ELAC1: variants seen among roughly 807,000 people sequenced by gnomAD.
ELAC1 encodes the protein zinc phosphodiesterase ELAC protein 1.
Under a neutral mutation model 25.8 loss-of-function variants are expected in ELAC1, and 19 were observed. The ratio of observed to expected loss-of-function variants is 0.74; its 90% CI spans 0.51 to 1.08. The LOEUF (loss-of-function observed/expected upper bound fraction) is 1.08. Ranked by LOEUF, ELAC1 falls within the 50% of genes least tolerant of loss-of-function variation. The probability of loss-of-function intolerance (pLI) is 0.00; values close to 1 mark genes in which losing one functional copy is unlikely to be tolerated. For missense variants in ELAC1, 403 were observed against 434.6 expected (o/e 0.93, Z 0.65); for synonymous variants, 148 against 160.9 (o/e 0.92, Z 0.61).
rs117514485 is a variant in ELAC1 at position 50,981,345 on chromosome 18, A to G, written c.158-2751A>G. ...ATAGTATGGGAGTGTGTGTGTGTGT[A>G]TAGTTCTGCATACATAGAATTATAC... is the stretch of plus-strand genomic sequence containing the variant. On this transcript the variant is annotated intron_variant, in intron 2 of 3. Transcript: ENST00000269466. 3.0e-3 allele frequency among the ~76,000 whole-genome samples: 463 copies of G among 152,144 alleles called. 4 individuals carry two copies. In the East Asian group the frequency reaches 0.044, roughly 14 times the overall value.
chr18:50,972,789 G>A (rs977403825), intron 1 of ELAC1, among the ~76,000 whole-genome samples: 12 of 152,084 alleles, frequency 7.9e-5, no homozygotes, highest in African/African-American at 2.7e-4. Context: ...GGCCTATTCT[G>A]TTTTAATTAT....
intron 2 of ELAC1, among the ~76,000 whole-genome samples, chr18:50,980,186 C>T (rs1030810919): frequency 2.6e-5 from 4 of 151,862 alleles, no homozygotes; most frequent in Admixed American, 6.6e-5. Flanking sequence ...AGAAATAAAG[C>T]CAGATGTGGT....
In ELAC1 at chr18:50,984,367, A is replaced by G; in HGVS notation, c.429A>G (p.Arg143=). ...TAAAAGAATTTGCGCATGTGAATAG[A>G]GCAGACAGTCCTCCCAAAGAGGAAC... is the stretch of plus-strand genomic sequence containing the variant. ...EELKEFAHVN[R]ADSPPKEEQG... Residue 143 remains arginine, a synonymous_variant, in exon 3 of 4, where the codon AGA becomes AGG. Coordinates refer to ENST00000269466, the MANE Select transcript of ELAC1 (RefSeq NM_018696.3). 2.5e-6 allele frequency: 4 copies of G among 1,614,232 alleles called. No homozygotes were observed. The highest frequency in any genetic ancestry group is 3.4e-6 in the Non-Finnish European group (4 of 1,180,034).
chr18:50,971,496 T>G (rs932401342), intron 1 of ELAC1, among the ~76,000 whole-genome samples: 5 of 152,274 alleles, frequency 3.3e-5, no homozygotes, highest in African/African-American at 1.2e-4. Context: ...CCAATGATCC[T>G]CCTGCCTTGG....
In ELAC1 at chr18:50,968,090, T is replaced by C. The variant is rs1412477794; in HGVS notation, c.-33T>C. On this transcript the variant is annotated 5_prime_UTR_variant, in exon 1 of 4. Coordinates refer to ENST00000269466, the MANE Select transcript of ELAC1 (RefSeq NM_018696.3). Reference sequence around the variant, plus strand: ...GGTGCGGGCCTGCGCCTCCCTCGGCTCCTGGCGCGGGCCTCGGGGAGAGGG... The same window carrying C: ...GGTGCGGGCCTGCGCCTCCCTCGGCCCCTGGCGCGGGCCTCGGGGAGAGGG... 2 of 151,964 alleles carry C rather than the reference T, an allele frequency of 1.3e-5. No individual in the cohort carries two copies. The highest frequency in any genetic ancestry group is 2.9e-5 in the Non-Finnish European group (2 of 68,006). The allele number at this position is 151,964 out of a possible 1,614,324, so 9.4% of individuals were successfully genotyped here.
chr18:50,970,318 T>G (rs1273685908), intron 1 of ELAC1, among the ~76,000 whole-genome samples: 2 of 152,242 alleles, frequency 1.3e-5, no homozygotes, highest in Non-Finnish European at 2.9e-5. Flanking sequence ...TATGTACTAC[T>G]GATCTAAATC....
chr18:50,979,524 T>C (rs1034275691), intron 2 of ELAC1, among the ~76,000 whole-genome samples: 1 of 152,176 alleles, frequency 6.6e-6, no homozygotes, highest in Non-Finnish European at 1.5e-5. Context: ...GTAAGTCTGC[T>C]AGCAAGATGG....
At chr18:50,975,431 A>G (rs1378337145) in intron 2 of ELAC1, among the ~76,000 whole-genome samples, 1 of 151,706 alleles carries the variant, frequency 6.6e-6, no homozygotes, top group Non-Finnish European at 1.5e-5. Flanking sequence ...TAGCATCATC[A>G]GTATCTGAAA....
At chr18:50,972,163 C>G (rs1006142349) in intron 1 of ELAC1, among the ~76,000 whole-genome samples, 1 of 151,058 alleles carries the variant, frequency 6.6e-6, no homozygotes, top group African/African-American at 2.4e-5. Context: ...TTATGTCTTG[C>G]CAATAAGGGC....
chr18:50,970,322 C>A (rs1907618391), intron 1 of ELAC1, among the ~76,000 whole-genome samples: 1 of 152,216 alleles, frequency 6.6e-6, no homozygotes, highest in African/African-American at 2.4e-5. Flanking sequence ...TACTACTGAT[C>A]TAAATCCATT....
At chr18:50,969,541 A>G (rs529821838) in intron 1 of ELAC1, 1 of 152,364 alleles carries the variant, frequency 6.6e-6, no homozygotes, top group East Asian at 1.9e-4. Flanking sequence ...CAGCAAATAC[A>G]TGCAAAAGAA....
At position 50,968,073 on chromosome 18, in the gene ELAC1, C is replaced by T. The variant is rs1037268244; in HGVS notation, c.-50C>T. The T allele has an allele frequency of 2.0e-5, 3 of 152,032 alleles. No individual in the cohort carries two copies. The highest frequency in any genetic ancestry group is 4.4e-5 in the Non-Finnish European group (3 of 68,030). 9.4% of individuals were successfully genotyped at this position (152,032 alleles called of 1,614,324 possible). ...GCGGACAGCTGGGCCAGGGTGCGGG[C>T]CTGCGCCTCCCTCGGCTCCTGGCGC... On this transcript the variant is annotated 5_prime_UTR_variant, in exon 1 of 4. Coordinates refer to ENST00000269466, the MANE Select transcript of ELAC1 (RefSeq NM_018696.3).
chr18:50,987,048 A>G lies in ELAC1; in HGVS notation c.1055A>G (p.Glu352Gly), dbSNP rs776999696. Residue 352 changes from glutamate (E) to glycine (G), a missense_variant, in exon 4 of 4, where the codon GAA becomes GGA. Coordinates refer to ENST00000269466, the MANE Select transcript of ELAC1 (RefSeq NM_018696.3). ...VLDLQEVTLAEDFMVISIPIK... is the reference protein window; with the variant it reads ...VLDLQEVTLAGDFMVISIPIK... The stretch of plus-strand genomic sequence containing the variant: ...GATCTCCAAGAAGTGACTCTAGCAG[A>G]AGATTTTATGGTGATAAGCATTCCA... 24 of 1,580,772 alleles carry G rather than the reference A, an allele frequency of 1.5e-5. No homozygotes were observed. The highest frequency in any genetic ancestry group is 1.9e-5 in the Non-Finnish European group (22 of 1,164,666).
At position 50,985,622 on chromosome 18, in the gene ELAC1, T is replaced by C. The variant is rs138411760; in HGVS notation, c.626-997T>C. 7.8e-3 allele frequency among the ~76,000 whole-genome samples: 1,186 copies of C among 152,358 alleles called. 8 individuals are homozygous for C. The highest frequency in any genetic ancestry group is 0.011 in the Non-Finnish European group (772 of 68,030). The stretch of plus-strand genomic sequence containing the variant: ...CAGTGGCATTTTGTGTGTGTTTGTT[T>C]TTTTATTTATGTGATCTCTTCCTCA... On this transcript the variant is annotated intron_variant, in intron 3 of 3. Transcript: ENST00000269466.
intron 3 of ELAC1, 34 bp downstream of exon 3, chr18:50,984,597 C>G: frequency 6.7e-7 from 1 of 1,486,890 alleles, no homozygotes; most frequent in Non-Finnish European, 9.3e-7. Flanking sequence ...TTTTTCCCGC[C>G]TTCTCATCAA....
intron 2 of ELAC1, 30 bp downstream of exon 2, chr18:50,974,591 A>AT (rs762804406): frequency 7.5e-6 from 12 of 1,609,610 alleles, no homozygotes; most frequent in African/African-American, 4.0e-5. Flanking sequence ...TCTCATTAAG[A>AT]TTTTTTTGTT....
At position 50,987,139 on chromosome 18, in the gene ELAC1, A is replaced by G. The variant is rs937281752; in HGVS notation, c.*54A>G. ...TGTCTGTGAATATGTTACTGAACCT[A>G]TAGTCCAGTTTTTTTATTTCTTGTT... On this transcript the variant is annotated 3_prime_UTR_variant, in exon 4 of 4. Transcript: ENST00000269466. The G allele has an allele frequency of 5.5e-6, 7 of 1,262,504 alleles. No individual in the cohort carries two copies. In the African/African-American group the frequency reaches 7.4e-5, roughly 13 times the overall value. 78.2% of individuals were successfully genotyped at this position (1,262,504 alleles called of 1,614,324 possible). A position where few individuals can be genotyped will look rare whatever the true frequency, so the allele number is the denominator to read the frequency against.
At chr18:50,983,367 G>C (rs1050717072) in intron 2 of ELAC1, among the ~76,000 whole-genome samples, 2 of 151,782 alleles carry the variant, frequency 1.3e-5, no homozygotes, top group Non-Finnish European at 2.9e-5. Context: ...GTTTCTCTAT[G>C]TTGGTCAGGC....
chr18:50,984,697 C>T (rs951679639), intron 3 of ELAC1, 134 bp downstream of exon 3: 45 of 683,300 alleles, frequency 6.6e-5, no homozygotes, highest in African/African-American at 2.9e-4. Flanking sequence ...TTTGGGAGGC[C>T]GAGGTGGGAG....
Sources: gnomAD v4.1 joint callset for allele counts (sites outside exome capture counted in the v4.1 genomes callset) on GRCh38, gnomAD v4.1.1 for gene constraint, MANE v1.5 for transcripts, NCBI Gene and HGNC (gene_info 2026-07-23, HGNC 2026-07-21) for gene names.